The following DAAM1 variants were observed in gnomAD, a reference collection of about 807,000 sequenced individuals.
DAAM1 encodes disheveled-associated activator of morphogenesis 1.
DAAM1 carries 52 observed loss-of-function variants against 130.0 expected under a neutral mutation model. That is an observed-to-expected ratio of 0.40 (90% confidence interval 0.32 to 0.50). The LOEUF is 0.50. DAAM1 is among the 20% of genes least tolerant of loss of function. The pLI is 0.61. For missense variants in DAAM1, 1,134 were observed against 1,303.8 expected (o/e 0.87, Z 2.01); for synonymous variants, 452 against 444.5 (o/e 1.02, Z -0.21).
rs150167770 is a variant in DAAM1, at chr14:59,317,793, G to A, written c.345+2442G>A. Among the ~76,000 whole-genome samples, 366 of 152,264 alleles carry A rather than the reference G, an allele frequency of 2.4e-3. 1 individual carries two copies. The highest frequency in any genetic ancestry group is 8.3e-3 in the African/African-American group (346 of 41,546). On this transcript the variant is annotated intron_variant, in intron 4 of 24. Coordinates refer to ENST00000360909, the MANE Select transcript of DAAM1 (RefSeq NM_001270520.2). ...TCTAATTGGGAATTTAAATGTATCC[G>A]TCTAAGCCCAAAGACTCCTTTCCAA...
chr14:59,337,129 C>G (rs770405401), intron 15 of DAAM1, among the ~76,000 whole-genome samples: 13 of 152,022 alleles, frequency 8.6e-5, no homozygotes, highest in Non-Finnish European at 1.6e-4. Context: ...TCTCTAAGTT[C>G]AACTAGCAAC....
intron 23 of DAAM1, among the ~76,000 whole-genome samples, chr14:59,365,299 T>G (rs1379331014): frequency 1.3e-5 from 2 of 152,214 alleles, no homozygotes; most frequent in Non-Finnish European, 2.9e-5. Flanking sequence ...TCAGGATGGC[T>G]TGAAGTATGT....
intron 1 of DAAM1, among the ~76,000 whole-genome samples, chr14:59,217,893 A>G (rs986504534): frequency 1.3e-5 from 2 of 151,984 alleles, no homozygotes; most frequent in African/African-American, 4.8e-5. Context: ...AGACTGAGGC[A>G]GGAAAATCAC....
In DAAM1 at chr14:59,355,311, G is replaced by T. The variant is rs1196789918; in HGVS notation, c.2503G>T (p.Asp835Tyr). 1 of 1,613,996 alleles carries T rather than the reference G, an allele frequency of 6.2e-7. No homozygotes were observed. Among genetic ancestry groups the T allele is most frequent in the Non-Finnish European group, 8.5e-7 (1 of 1,179,962 alleles). ...FKISSLNKIA[D>Y]TKSSIDKNIT... Reference sequence around the variant, plus strand: ...GATATCTAGCCTAAACAAAATTGCTGACACAAAATCCAGCATCGACAAGTA... The same window carrying T: ...GATATCTAGCCTAAACAAAATTGCTTACACAAAATCCAGCATCGACAAGTA... Residue 835 changes from aspartate to tyrosine, a missense_variant, in exon 20 of 25, where the codon GAC (aspartate) becomes TAC (tyrosine). This residue lies in a region of DAAM1 where 644 missense variants were observed against 695.9 expected (regional missense o/e 0.93). Coordinates refer to ENST00000360909, the MANE Select transcript of DAAM1 (RefSeq NM_001270520.2).
chr14:59,325,602 G>A, intron 8 of DAAM1, 62 bp from the exon 9 acceptor site: 1 of 1,420,842 alleles, frequency 7.0e-7, no homozygotes, highest in Non-Finnish European at 9.9e-7. Flanking sequence ...AATGTCCTCA[G>A]TCTTATGCAC....
intron 16 of DAAM1, among the ~76,000 whole-genome samples, chr14:59,342,675 C>T (rs1441749839): frequency 1.3e-5 from 2 of 152,132 alleles, no homozygotes; most frequent in African/African-American, 2.4e-5. Context: ...CCTTTGAAAG[C>T]ACATGGCTAA....
At chr14:59,349,788 C>T (rs934221641) in intron 17 of DAAM1, among the ~76,000 whole-genome samples, 7 of 152,216 alleles carry the variant, frequency 4.6e-5, no homozygotes, top group African/African-American at 1.7e-4. Context: ...CAGTCCTTTA[C>T]ACAACTCTCC....
At chr14:59,335,582 G>A (rs1192459290) in intron 15 of DAAM1, among the ~76,000 whole-genome samples, 1 of 152,080 alleles carries the variant, frequency 6.6e-6, no homozygotes, top group Non-Finnish European at 1.5e-5. Context: ...ATGAGCTAAA[G>A]GCACTACATT....
rs570560398 is a variant in DAAM1 at position 59,242,405 on chromosome 14, G to C, written c.-37-21036G>C. ...CAGACATGGGCACATGTCACAACCA[G>C]AGATGGGCACATAGCATTGGCTTTG... On this transcript the variant is annotated intron_variant, in intron 1 of 24. Coordinates refer to ENST00000360909, the MANE Select transcript of DAAM1 (RefSeq NM_001270520.2). Among the ~76,000 whole-genome samples the C allele has an allele frequency of 1.2e-3, 175 of 152,122 alleles. 1 individual carries two copies. Among genetic ancestry groups the C allele is most frequent in the Non-Finnish European group, 2.2e-3 (150 of 68,034 alleles).
intron 3 of DAAM1, among the ~76,000 whole-genome samples, chr14:59,308,587 T>A (rs1193331958): frequency 1.3e-5 from 2 of 152,136 alleles, no homozygotes; most frequent in African/African-American, 4.8e-5. Flanking sequence ...GAGCAGATGA[T>A]GGATCACCTG....
At chr14:59,200,077 A>C (rs1312303344) in intron 1 of DAAM1, among the ~76,000 whole-genome samples, 1 of 152,218 alleles carries the variant, frequency 6.6e-6, no homozygotes, top group Non-Finnish European at 1.5e-5. Context: ...AGAGCAAAGT[A>C]AAGGTCAGTG....
At chr14:59,335,706 T>G (rs1358769132) in intron 15 of DAAM1, among the ~76,000 whole-genome samples, 6 of 152,024 alleles carry the variant, frequency 3.9e-5, no homozygotes, top group Admixed American at 6.6e-5. Flanking sequence ...TGTCATCACA[T>G]TGTAAAACTT....
chr14:59,250,215 A>G (rs535968427), intron 1 of DAAM1, among the ~76,000 whole-genome samples: 85 of 152,328 alleles, frequency 5.6e-4, no homozygotes, highest in African/African-American at 2.0e-3. Context: ...ATCTGGGAAC[A>G]TACAGAATTT....
At chr14:59,325,757 T>A in intron 9 of DAAM1, 27 bp downstream of exon 9, 3 of 1,611,092 alleles carry the variant, frequency 1.9e-6, no homozygotes, top group Non-Finnish European at 2.5e-6. Context: ...TTATTCTGGT[T>A]TGATTCATCA....
In DAAM1 at chr14:59,274,629, G is replaced by A. The variant is rs549968083; in HGVS notation, c.183+10969G>A. ...AATGGATGTATAACTAATTACTGAA[G>A]CATTACACATGAGATGCACAATAAG... On this transcript the variant is annotated intron_variant, in intron 2 of 24. Transcript: ENST00000360909. Among the ~76,000 whole-genome samples, 4 of 152,264 alleles carry A rather than the reference G, an allele frequency of 2.6e-5. No individual in the cohort carries two copies. In the South Asian group the frequency reaches 8.3e-4, roughly 32 times the overall value.
chr14:59,216,523 C>T (rs1888585172), intron 1 of DAAM1, among the ~76,000 whole-genome samples: 1 of 152,140 alleles, frequency 6.6e-6, no homozygotes, highest in South Asian at 2.1e-4. Context: ...GAGTTCGAGA[C>T]CAGCCTGGCC....
chr14:59,322,832 G>T, intron 5 of DAAM1, 60 bp from the exon 6 acceptor site: 1 of 1,384,150 alleles, frequency 7.2e-7, no homozygotes. Context: ...AGACTTTTCT[G>T]TTAGGGGCTA....
intron 1 of DAAM1, among the ~76,000 whole-genome samples, chr14:59,227,527 T>G (rs1408676147): frequency 6.6e-6 from 1 of 152,226 alleles, no homozygotes; most frequent in Non-Finnish European, 1.5e-5. Flanking sequence ...CTAATATTCC[T>G]ATAGTATTTA....
intron 1 of DAAM1, among the ~76,000 whole-genome samples, chr14:59,214,781 A>G (rs1190476684): frequency 6.6e-6 from 1 of 152,192 alleles, no homozygotes; most frequent in Non-Finnish European, 1.5e-5. Flanking sequence ...TTCAGCTATC[A>G]TGAATAATGC....
Sources: allele counts gnomAD v4.1 joint callset (sites outside exome capture counted in the v4.1 genomes callset), GRCh38; gene constraint gnomAD v4.1.1; regional missense constraint gnomAD v4.1.1; transcripts MANE v1.5; gene names NCBI Gene and HGNC (gene_info 2026-07-23, HGNC 2026-07-21).